The following TPTE2 variants were observed in gnomAD, a reference collection of about 807,000 sequenced individuals.
TPTE2 encodes phosphatidylinositol 3,4,5-trisphosphate 3-phosphatase TPTE2.
TPTE2 carries 53 observed loss-of-function variants against 78.6 expected under a neutral mutation model. That is an observed-to-expected ratio of 0.67 (90% confidence interval 0.54 to 0.85). The LOEUF (loss-of-function observed/expected upper bound fraction) is 0.85. Ranked by LOEUF, TPTE2 falls within the 40% of genes least tolerant of loss-of-function variation. The probability of loss-of-function intolerance (pLI) is 0.00; values close to 1 mark genes in which losing one functional copy is unlikely to be tolerated. For missense variants in TPTE2, 461 were observed against 623.0 expected (o/e 0.74, Z 2.77); for synonymous variants, 175 against 206.2 (o/e 0.85, Z 1.30).
At chr13:19,431,470 C>A (rs1324569729) in intron 16 of TPTE2, among the ~76,000 whole-genome samples, 1 of 151,850 alleles carries the variant, frequency 6.6e-6, no homozygotes, top group African/African-American at 2.4e-5. Flanking sequence ...CCTCTCAATT[C>A]TACATTAATT....
chr13:19,435,755 GACACACACACACAC>G (rs60130804), intron 15 of TPTE2, among the ~76,000 whole-genome samples: 7 of 137,642 alleles, frequency 5.1e-5, no homozygotes, highest in Admixed American at 1.5e-4. Context: ...ACACAGAAAA[GACACACACACACAC>G]ACACACACAC....
At chr13:19,478,565 C>G (rs1593383874) in intron 4 of TPTE2, among the ~76,000 whole-genome samples, 3 of 152,194 alleles carry the variant, frequency 2.0e-5, no homozygotes, top group South Asian at 4.1e-4. Flanking sequence ...GTTGGTGGGA[C>G]TGTAAACTAG....
At chr13:19,474,528 T>C (rs9550392) in intron 5 of TPTE2, among the ~76,000 whole-genome samples, 28,607 of 152,142 alleles carry the variant, frequency 0.19, 3,766 homozygotes, top group African/African-American at 0.37. Context: ...AATGAAAGCA[T>C]GAGTAACATA....
chr13:19,469,265 G>A (rs113055039), intron 6 of TPTE2, among the ~76,000 whole-genome samples: 7 of 152,254 alleles, frequency 4.6e-5, no homozygotes, highest in Admixed American at 3.3e-4. Flanking sequence ...CCCCAGAACC[G>A]TTTGTTGAAG....
intron 17 of TPTE2, 104 bp downstream of exon 20, chr13:19,430,364 A>T: frequency 7.1e-6 from 6 of 845,500 alleles, no homozygotes; most frequent in Non-Finnish European, 1.1e-5. Context: ...GCGTTATGGA[A>T]TCTCTTTATG....
chr13:19,524,448 C>T (rs187622587), intron 1 of TPTE2, among the ~76,000 whole-genome samples: 268 of 152,258 alleles, frequency 1.8e-3, no homozygotes, highest in African/African-American at 6.2e-3. Flanking sequence ...CCAGGCAAAT[C>T]ATCTCAATTC....
At chr13:19,471,323 G>T (rs536809716) in intron 6 of TPTE2, among the ~76,000 whole-genome samples, 140 of 152,204 alleles carry the variant, frequency 9.2e-4, no homozygotes, top group African/African-American at 3.3e-3. Context: ...TTTGTTATTT[G>T]TTTTCTGGTT....
chr13:19,518,329 T>C, intron 1 of TPTE2, among the ~76,000 whole-genome samples: 1 of 152,186 alleles, frequency 6.6e-6, no homozygotes. Context: ...TACTGAAACA[T>C]CACATTGTAC....
intron 3 of TPTE2, among the ~76,000 whole-genome samples, chr13:19,488,337 G>A (rs1880782196): frequency 6.6e-6 from 1 of 152,172 alleles, no homozygotes; most frequent in Non-Finnish European, 1.5e-5. Flanking sequence ...CAAGAGAATT[G>A]GCCTCTGCTT....
chr13:19,488,751 G>C (rs1452792094), intron 3 of TPTE2, among the ~76,000 whole-genome samples: 1 of 152,210 alleles, frequency 6.6e-6, no homozygotes, highest in Non-Finnish European at 1.5e-5. Context: ...CTCCAGATTA[G>C]CAATCAGACT....
intron 1 of TPTE2, among the ~76,000 whole-genome samples, chr13:19,536,025 ACTAATTTCTG>A (rs1871193292): frequency 1.3e-5 from 2 of 152,214 alleles, no homozygotes; most frequent in African/African-American, 4.8e-5. Context: ...TTTATTCACA[ACTAATTTCTG>A]CTTCAAATCA....
chr13:19,470,254 T>A (rs1337153964), intron 6 of TPTE2, among the ~76,000 whole-genome samples: 1 of 152,214 alleles, frequency 6.6e-6, no homozygotes, highest in African/African-American at 2.4e-5. Context: ...TTGAATTTTA[T>A]CAAATGCATT....
rs1878427235 is a variant in TPTE2, at chr13:19,454,666, T to C, written c.742-3441A>G. On this transcript the variant is annotated intron_variant, in intron 10 of 19. Transcript: ENST00000400230. ...AGGAATCAATGACTTATTAGTACTT[T>C]GTCAATGCCCCAAGGAGATAACAGT... Among the ~76,000 whole-genome samples the C allele has an allele frequency of 2.0e-5, 3 of 152,220 alleles. No individual in the cohort carries two copies. The South Asian group carries it at 6.2e-4, about 32-fold the overall frequency.
intron 1 of TPTE2, among the ~76,000 whole-genome samples, chr13:19,534,318 T>C (rs1301268497): frequency 6.6e-6 from 1 of 152,218 alleles, no homozygotes; most frequent in East Asian, 1.9e-4. Context: ...GGAACCATCA[T>C]AAAGTTGAAA....
chr13:19,549,473 G>A, the TPTE2 span, among the ~76,000 whole-genome samples: 2 of 152,144 alleles, frequency 1.3e-5, no homozygotes, highest in Admixed American at 1.3e-4. Flanking sequence ...ACACCAGTCT[G>A]AATGACTATT....
In TPTE2 at chr13:19,535,473, G is replaced by A. The variant is rs916739868; in HGVS notation, c.-44+1123C>T. On this transcript the variant is annotated intron_variant, in intron 1 of 17. Transcript: ENST00000390680. This position sits in a 1 kb window ranked among gnomAD's most constrained non-coding sequence, Gnocchi z 5.1. ...AACACCAATGGTCATCCCCTAAGAGGGTAAATGCACCTGCCTTTTCTAAAA... is the reference window on the plus strand; with the variant it reads ...AACACCAATGGTCATCCCCTAAGAGAGTAAATGCACCTGCCTTTTCTAAAA... Among the ~76,000 whole-genome samples, 11 of 151,206 alleles carry A rather than the reference G, an allele frequency of 7.3e-5. No individual in the cohort carries two copies. The highest frequency in any genetic ancestry group is 1.6e-4 in the Non-Finnish European group (11 of 67,832).
intron 4 of TPTE2, among the ~76,000 whole-genome samples, chr13:19,477,588 CACACAGTCT>C (rs1223783906): frequency 1.3e-5 from 2 of 152,222 alleles, no homozygotes; most frequent in East Asian, 3.9e-4. Context: ...CCTCTGATCC[CACACAGTCT>C]ACTGGATCTC....
At chr13:19,530,650 T>C (rs1233704145) in intron 1 of TPTE2, among the ~76,000 whole-genome samples, 2 of 152,064 alleles carry the variant, frequency 1.3e-5, no homozygotes, top group African/African-American at 4.8e-5. Flanking sequence ...GCTCAAGTGA[T>C]CTTCCCACCT....
At chr13:19,543,065 T>C in the TPTE2 span, among the ~76,000 whole-genome samples, 12 of 152,208 alleles carry the variant, frequency 7.9e-5, no homozygotes, top group African/African-American at 2.9e-4. Context: ...TTTTCTTTTT[T>C]TTTTTTAATT....
Sources: allele counts gnomAD v4.1 joint callset (sites outside exome capture counted in the v4.1 genomes callset), GRCh38; gene constraint gnomAD v4.1.1; non-coding constraint Gnocchi (gnomAD v3.1); transcripts MANE v1.5; gene names NCBI Gene and HGNC (gene_info 2026-07-23, HGNC 2026-07-21).